The following GALNT15 variants were observed in gnomAD, a reference collection of about 807,000 sequenced individuals.
GALNT15 encodes polypeptide N-acetylgalactosaminyltransferase 15.
GALNT15 carries 67 observed loss-of-function variants against 66.8 expected under a neutral mutation model. The ratio of observed to expected loss-of-function variants is 1.00; its 90% CI spans 0.82 to 1.23. The LOEUF (loss-of-function observed/expected upper bound fraction) is 1.23, where lower values mean the gene tolerates loss of function less well. Among genes scored for constraint, GALNT15 ranks in the 50% most tolerant of loss-of-function variants. The probability of loss-of-function intolerance (pLI) is 0.00; values close to 1 mark genes in which losing one functional copy is unlikely to be tolerated. For synonymous variants in GALNT15, 313 were observed against 311.5 expected (o/e 1.00, Z -0.05); for missense variants, 827 against 804.3 (o/e 1.03, Z -0.34).
At chr3:16,246,139 G>A in the GALNT15 span, among the ~76,000 whole-genome samples, 376 of 152,044 alleles carry the variant, frequency 2.5e-3, 1 homozygote, top group Non-Finnish European at 4.0e-3. Flanking sequence ...ACAGTTTCCT[G>A]TGGAAACAAC....
At chr3:16,234,910 T>C (rs2064117224), downstream of GALNT15, among the ~76,000 whole-genome samples, 1 of 149,874 alleles carries the variant, frequency 6.7e-6, no homozygotes, top group South Asian at 2.1e-4. Context: ...AGATAGTTGG[T>C]CCTTATCCCA....
In GALNT15 at chr3:16,219,655, T is replaced by C; in HGVS notation, c.1524+121T>C. On this transcript the variant is annotated intron_variant, in intron 7 of 9. Coordinates refer to ENST00000339732, the MANE Select transcript of GALNT15 (RefSeq NM_054110.5). This position sits in a 1 kb window ranked among gnomAD's most constrained non-coding sequence, Gnocchi z 4.3. ...ACGGTTTAGCAGGGCCTCAGAGGCC[T>C]TGGGTCCATCCCGTGCCTCCATGCC... The C allele has an allele frequency of 7.2e-7, 1 of 1,381,012 alleles. No individual in the cohort carries two copies. The highest frequency in any genetic ancestry group is 1.0e-6 in the Non-Finnish European group (1 of 1,004,630). 85.5% of individuals were successfully genotyped at this position (1,381,012 alleles called of 1,614,324 possible).
intron 6 of GALNT15, among the ~76,000 whole-genome samples, chr3:16,216,596 G>T (rs2124894001): frequency 6.6e-6 from 1 of 152,298 alleles, no homozygotes; most frequent in Non-Finnish European, 1.5e-5. Context: ...TAAGTGCGCA[G>T]TTTGATTTTT....
chr3:16,196,905 G>A (rs936650984), intron 2 of GALNT15, among the ~76,000 whole-genome samples: 2 of 152,164 alleles, frequency 1.3e-5, no homozygotes, highest in Admixed American at 1.3e-4. Flanking sequence ...GAAGGGCTAG[G>A]GTAGCCAGGT....
intron 2 of GALNT15, among the ~76,000 whole-genome samples, chr3:16,197,669 G>T (rs1201385071): frequency 6.6e-6 from 1 of 152,168 alleles, no homozygotes; most frequent in Admixed American, 6.5e-5. Flanking sequence ...CAGCTAGATG[G>T]GTTTCAGGGT....
rs1172490968 is a variant in GALNT15 at position 16,198,583 on chromosome 3, A to C, written c.707-2036A>C. 1.4e-5 allele frequency among the ~76,000 whole-genome samples: 2 copies of C among 142,656 alleles called. 1 individual carries two copies. The highest frequency in any genetic ancestry group is 5.2e-5 in the African/African-American group (2 of 38,374). The allele number at this position is 142,656 out of a possible 152,430, so 93.6% of individuals were successfully genotyped here. ...GTCACTGAGGGGCTGCTTCTCAGATATGCAAGTCCAGAAATGTTAATAGCT... is the reference window on the plus strand; with the variant it reads ...GTCACTGAGGGGCTGCTTCTCAGATCTGCAAGTCCAGAAATGTTAATAGCT... On this transcript the variant is annotated intron_variant, in intron 2 of 9. Coordinates refer to ENST00000339732, the MANE Select transcript of GALNT15 (RefSeq NM_054110.5).
intron 1 of GALNT15, among the ~76,000 whole-genome samples, chr3:16,178,844 T>C (rs903200436): frequency 1.9e-4 from 29 of 152,160 alleles, no homozygotes; most frequent in Non-Finnish European, 3.8e-4. Flanking sequence ...AGCCTGTGCC[T>C]CGGGCTGTAG....
At position 16,183,327 on chromosome 3, in the gene GALNT15, A is replaced by T. The variant is rs2063487942; in HGVS notation, c.539+7637A>T. On this transcript the variant is annotated intron_variant, in intron 1 of 9. Transcript: ENST00000339732. The surrounding 1 kb of genome is among the most constrained non-coding windows in gnomAD (Gnocchi z 5.2). ...TCTTCATCCATTCTTCTAAGGCCTCAGCTCCAGGCTGTGTCCCAGCCCTAG... is the reference window on the plus strand; with the variant it reads ...TCTTCATCCATTCTTCTAAGGCCTCTGCTCCAGGCTGTGTCCCAGCCCTAG... 6.6e-6 allele frequency: 1 copy of T among 152,236 alleles called. No individual in the cohort carries two copies. Among genetic ancestry groups the T allele is most frequent in the South Asian group, 2.1e-4 (1 of 4,828 alleles). The allele number at this position is 152,236 out of a possible 1,614,324, so 9.4% of individuals were successfully genotyped here.
chr3:16,195,759 G>T lies in GALNT15; in HGVS notation c.540-1G>T, dbSNP rs1559680470. 6.2e-7 allele frequency: 1 copy of T among 1,610,148 alleles called. No individual in the cohort carries two copies. Among genetic ancestry groups the T allele is most frequent in the East Asian group, 2.2e-5 (1 of 44,782 alleles). On this transcript the variant is annotated splice_acceptor_variant, in intron 1 of 9. Transcript: ENST00000339732. LOFTEE classifies it high-confidence loss of function. The surrounding 1 kb of genome is among the most constrained non-coding windows in gnomAD (Gnocchi z 4.6). ...TGGCTCTCTGGCTCTCTTCCCTGCAGGTGTCTGCAGCAGCACCCTCAGGAC... is the reference window on the plus strand; with the variant it reads ...TGGCTCTCTGGCTCTCTTCCCTGCATGTGTCTGCAGCAGCACCCTCAGGAC...
chr3:16,212,422 C>T (rs955474548), intron 5 of GALNT15, 147 bp from the exon 6 acceptor site: 32 of 735,500 alleles, frequency 4.4e-5, no homozygotes, highest in South Asian at 2.2e-4. Flanking sequence ...GGAAACTCTA[C>T]GCCACCCTGA....
At chr3:16,240,421 T>A in the GALNT15 span, among the ~76,000 whole-genome samples, 1 of 152,334 alleles carries the variant, frequency 6.6e-6, no homozygotes, top group Non-Finnish European at 1.5e-5. Context: ...TTCACTGAAT[T>A]TTATGTCAGC....
intron 3 of GALNT15, among the ~76,000 whole-genome samples, chr3:16,208,281 T>C (rs925786913): frequency 6.6e-6 from 1 of 152,222 alleles, no homozygotes; most frequent in Non-Finnish European, 1.5e-5. Context: ...TTTCAACATA[T>C]AATCAATGTA....
At chr3:16,208,347 G>A (rs1009297985) in intron 3 of GALNT15, among the ~76,000 whole-genome samples, 156 bp from the exon 4 acceptor site, 3 of 151,930 alleles carry the variant, frequency 2.0e-5, no homozygotes, top group African/African-American at 7.3e-5. Flanking sequence ...TTAATCCAGG[G>A]TGTATTTTAC....
At chr3:16,210,961 G>T (rs2063806966) in intron 4 of GALNT15, among the ~76,000 whole-genome samples, 163 bp from the exon 5 acceptor site, 1 of 152,178 alleles carries the variant, frequency 6.6e-6, no homozygotes, top group Non-Finnish European at 1.5e-5. Flanking sequence ...TTCTGACATC[G>T]TGGCTCTGCT....
At chr3:16,234,464 C>T (rs2064114047), downstream of GALNT15, among the ~76,000 whole-genome samples, 1 of 152,194 alleles carries the variant, frequency 6.6e-6, no homozygotes, top group South Asian at 2.1e-4. Flanking sequence ...CCTCAGCTCC[C>T]TCACCTCTCC....
intron 6 of GALNT15, among the ~76,000 whole-genome samples, chr3:16,213,502 A>T (rs1574990900): frequency 6.6e-6 from 1 of 152,128 alleles, no homozygotes; most frequent in East Asian, 1.9e-4. Context: ...AGAAAAATAA[A>T]AATTTTAAAC....
Position 16,191,818 on chromosome 3 carries a change from T to A in GALNT15, c.540-3942T>A, listed in dbSNP as rs1324457396. Among the ~76,000 whole-genome samples, 1 of 152,258 alleles carries A rather than the reference T, an allele frequency of 6.6e-6. No individual in the cohort carries two copies. Among genetic ancestry groups the A allele is most frequent in the Non-Finnish European group, 1.5e-5 (1 of 68,036 alleles). Reference sequence around the variant, plus strand: ...CTCCCAAAAGCTCTGAAGTGGACACTGTTGGGAAACCCAAACTTGAAAGTA... The same window carrying A: ...CTCCCAAAAGCTCTGAAGTGGACACAGTTGGGAAACCCAAACTTGAAAGTA... On this transcript the variant is annotated intron_variant, in intron 1 of 9. Coordinates refer to ENST00000339732, the MANE Select transcript of GALNT15 (RefSeq NM_054110.5). This position sits in a 1 kb window ranked among gnomAD's most constrained non-coding sequence, Gnocchi z 5.2.
At position 16,174,778 on chromosome 3, in the gene GALNT15, C is replaced by A. The variant is rs1401959742; in HGVS notation, c.-374C>A. On this transcript the variant is annotated 5_prime_UTR_variant, in exon 1 of 10. Coordinates refer to ENST00000339732, the MANE Select transcript of GALNT15 (RefSeq NM_054110.5). The surrounding 1 kb of genome is among the most constrained non-coding windows in gnomAD (Gnocchi z 4.7). The stretch of plus-strand genomic sequence containing the variant: ...CCAGCTCATCCCAGACACCTCATAG[C>A]AACCTATTTATACAAAGGGGGAAAG... The A allele has an allele frequency of 4.4e-6, 1 of 228,054 alleles. No individual in the cohort carries two copies. Among genetic ancestry groups the A allele is most frequent in the Non-Finnish European group, 8.7e-6 (1 of 114,408 alleles). 14.1% of individuals were successfully genotyped at this position (228,054 alleles called of 1,614,324 possible).
At chr3:16,222,496 C>T (rs914933101) in intron 8 of GALNT15, 119 bp from the exon 9 acceptor site, 13 of 1,240,750 alleles carry the variant, frequency 1.0e-5, no homozygotes, top group Middle Eastern at 4.5e-4. Context: ...TTTCTGACCC[C>T]GATAGAATCT....
Sources: gnomAD v4.1 joint callset for allele counts (sites outside exome capture counted in the v4.1 genomes callset) on GRCh38, gnomAD v4.1.1 for gene constraint, Gnocchi (gnomAD v3.1) non-coding constraint, MANE v1.5 for transcripts, NCBI Gene and HGNC (gene_info 2026-07-23, HGNC 2026-07-21) for gene names.